Variants in DDX19A observed in about 807,000 individuals in gnomAD.
DDX19A encodes ATP-dependent RNA helicase DDX19A.
A neutral mutation model predicts 60.6 loss-of-function variants in DDX19A; 12 were observed. The observed-to-expected ratio is 0.20, with a 90% CI of 0.13 to 0.32. The LOEUF (loss-of-function observed/expected upper bound fraction) is 0.32, where lower values mean the gene tolerates loss of function less well. Among genes scored for constraint, DDX19A ranks in the 10% least tolerant of loss-of-function variants. The probability of loss-of-function intolerance (pLI) is 1.00; values close to 1 mark genes in which losing one functional copy is unlikely to be tolerated. For synonymous variants in DDX19A, 206 were observed against 218.2 expected (o/e 0.94, Z 0.49); for missense variants, 337 against 600.6 (o/e 0.56, Z 4.59).
intron 6 of DDX19A, 87 bp downstream of exon 6, chr16:70,364,732 C>A: frequency 1.0e-6 from 1 of 977,894 alleles, no homozygotes; most frequent in Non-Finnish European, 1.6e-6. Context: ...AGGTCTGAAG[C>A]TTCTGACACC....
At chr16:70,351,074 G>C (rs1963999508) in intron 2 of DDX19A, among the ~76,000 whole-genome samples, 2 of 150,332 alleles carry the variant, frequency 1.3e-5, no homozygotes, top group South Asian at 4.2e-4. Flanking sequence ...AGTAGAGATA[G>C]GGTTTCGCCG....
chr16:70,359,720 T>C (rs1482568978), intron 4 of DDX19A, among the ~76,000 whole-genome samples: 1 of 151,464 alleles, frequency 6.6e-6, no homozygotes, highest in Non-Finnish European at 1.5e-5. Context: ...TAGCCGGGTG[T>C]GGTGGCATGT....
At position 70,356,221 on chromosome 16, in the gene DDX19A, G is replaced by A. The variant is rs1406034605; in HGVS notation, c.267G>A (p.Ser89=). 3 of 1,613,994 alleles carry A rather than the reference G, an allele frequency of 1.9e-6. No individual in the cohort carries two copies. The highest frequency in any genetic ancestry group is 2.5e-6 in the Non-Finnish European group (3 of 1,180,040). ...GGGATCCAAACTCCCCTCTGTACTC[G>A]GTGAAGTCGTTTGAAGAGCTTCGGC... ...LQRDPNSPLY[S]VKSFEELRLK... is the part of the protein sequence containing the mutation. Residue 89 remains serine (S), a synonymous_variant, in exon 4 of 12, where the codon TCG becomes TCA. Transcript: ENST00000302243.
intron 2 of DDX19A, among the ~76,000 whole-genome samples, chr16:70,353,257 G>A (rs990927144): frequency 1.3e-5 from 2 of 151,822 alleles, no homozygotes; most frequent in African/African-American, 2.4e-5. Flanking sequence ...TGGGATTACA[G>A]GTGCCTGCCT....
chr16:70,355,111 G>A (rs934719756), intron 2 of DDX19A, among the ~76,000 whole-genome samples: 23 of 152,108 alleles, frequency 1.5e-4, no homozygotes, highest in African/African-American at 5.6e-4. Flanking sequence ...TGTGGCTCAC[G>A]CCTGTAATCC....
intron 4 of DDX19A, 98 bp from the exon 5 acceptor site, chr16:70,361,320 G>GGA (rs1964358480): frequency 1.1e-6 from 1 of 912,276 alleles, no homozygotes; most frequent in Admixed American, 2.1e-5. Context: ...GACAGAGGTA[G>GGA]GAGGCATCAT....
chr16:70,368,246 C>A lies in DDX19A; in HGVS notation c.1020+1385C>A, dbSNP rs552757527. Among the ~76,000 whole-genome samples the A allele has an allele frequency of 2.0e-5, 3 of 152,234 alleles. No individual in the cohort carries two copies. In the South Asian group the frequency reaches 6.2e-4, roughly 32 times the overall value. ...ATATCTCTCAAATATAATCCACGTTCTCCTATCTCCACTTGTGCCAAAAGT... is the reference window on the plus strand; with the variant it reads ...ATATCTCTCAAATATAATCCACGTTATCCTATCTCCACTTGTGCCAAAAGT... On this transcript the variant is annotated intron_variant, in intron 9 of 11. Coordinates refer to ENST00000302243, the MANE Select transcript of DDX19A (RefSeq NM_018332.5).
rs137958642 is a variant in DDX19A, at chr16:70,352,756, C to T, written c.106+2151C>T. Among the ~76,000 whole-genome samples, 5 of 151,918 alleles carry T rather than the reference C, an allele frequency of 3.3e-5. No individual in the cohort carries two copies. The East Asian group carries it at 7.8e-4, about 24-fold the overall frequency. On this transcript the variant is annotated intron_variant, in intron 2 of 11. Coordinates refer to ENST00000302243, the MANE Select transcript of DDX19A (RefSeq NM_018332.5). ...GGTTCAAGCGATTCTCCTGCTTCAG[C>T]CTTCCAAGTAGCTGGGATTATAGGC... is the stretch of plus-strand genomic sequence containing the variant.
At chr16:70,366,340 T>C (rs1207367367) in intron 8 of DDX19A, 78 bp downstream of exon 8, 1 of 1,585,628 alleles carries the variant, frequency 6.3e-7, no homozygotes, top group East Asian at 2.2e-5. Context: ...ACGCCTCCTC[T>C]GGCTTCTGCC....
chr16:70,361,808 G>C (rs921317289), intron 5 of DDX19A, among the ~76,000 whole-genome samples: 1 of 151,964 alleles, frequency 6.6e-6, no homozygotes, highest in Non-Finnish European at 1.5e-5. Context: ...AGGCCGAGGC[G>C]GGCGGATCAC....
At chr16:70,361,340 T>C (rs554575311) in intron 4 of DDX19A, 78 bp from the exon 5 acceptor site, 5 of 1,083,650 alleles carry the variant, frequency 4.6e-6, no homozygotes, top group Non-Finnish European at 7.1e-6. Flanking sequence ...TTCCTTTCTA[T>C]AGAAAAAGAT....
chr16:70,355,980 C>T (rs1000834533), intron 3 of DDX19A, 132 bp from the exon 4 acceptor site: 3 of 1,138,414 alleles, frequency 2.6e-6, no homozygotes. Context: ...AAATAGAGAC[C>T]TATCAGTGTG....
intron 4 of DDX19A, among the ~76,000 whole-genome samples, chr16:70,358,010 A>T (rs1964263708): frequency 6.6e-6 from 1 of 151,986 alleles, no homozygotes; most frequent in South Asian, 2.1e-4. Flanking sequence ...ACAATTTTTT[A>T]TTTTTATTTT....
At chr16:70,350,851 AT>A (rs869069982) in intron 2 of DDX19A, among the ~76,000 whole-genome samples, 1 of 35,110 alleles carries the variant, frequency 2.8e-5, no homozygotes, top group Admixed American at 4.0e-4. Flanking sequence ...TTGGCAAATT[AT>A]TTATTTATTT....
At chr16:70,371,297 T>C (rs567940643) in intron 10 of DDX19A, 75 bp from the exon 11 acceptor site, 1 of 1,613,692 alleles carries the variant, frequency 6.2e-7, no homozygotes, top group East Asian at 2.2e-5. Context: ...TGGTACGCAT[T>C]GACCTACCTA....
rs576219113 is a variant in DDX19A, at chr16:70,361,771, T to C, written c.386+261T>C. 4.4e-3 allele frequency: 1,456 copies of C among 327,730 alleles called. 12 individuals carry two copies. The highest frequency in any genetic ancestry group is 0.01 in the South Asian group (277 of 27,362). 20.3% of individuals were successfully genotyped at this position (327,730 alleles called of 1,614,324 possible). A position where few individuals can be genotyped will look rare whatever the true frequency, so the allele number is the denominator to read the frequency against. On this transcript the variant is annotated intron_variant, in intron 5 of 11. Transcript: ENST00000302243. Reference sequence around the variant, plus strand: ...TGGGCTTAAGGCCGGGCATGGTGGCTCACTCCTGTAATCCTAGCACTTTGG... The same window carrying C: ...TGGGCTTAAGGCCGGGCATGGTGGCCCACTCCTGTAATCCTAGCACTTTGG...
chr16:70,347,075 G>A (rs1567646960), intron 1 of DDX19A, 27 bp downstream of exon 1: 2 of 1,602,188 alleles, frequency 1.2e-6, no homozygotes, highest in Non-Finnish European at 1.7e-6. Context: ...CTGGCGAGGA[G>A]GACGTAGCAG....
At chr16:70,362,785 G>T (rs543644600) in intron 5 of DDX19A, among the ~76,000 whole-genome samples, 1 of 152,148 alleles carries the variant, frequency 6.6e-6, no homozygotes, top group South Asian at 2.1e-4. Flanking sequence ...GCTGAGGCAG[G>T]TGGATCACTT....
At chr16:70,351,240 CTG>C (rs1964008051) in intron 2 of DDX19A, among the ~76,000 whole-genome samples, 1 of 151,712 alleles carries the variant, frequency 6.6e-6, no homozygotes, top group African/African-American at 2.4e-5. Context: ...GGGTCTCACT[CTG>C]TCGTGCAGGC....
Sources: gnomAD v4.1 joint callset for allele counts (sites outside exome capture counted in the v4.1 genomes callset) on GRCh38, gnomAD v4.1.1 for gene constraint, MANE v1.5 for transcripts, NCBI Gene and HGNC (gene_info 2026-07-23, HGNC 2026-07-21) for gene names.